ITSN2: variants seen among roughly 807,000 people sequenced by gnomAD.
ITSN2 encodes intersectin-2.
Under a neutral mutation model 243.7 loss-of-function variants are expected in ITSN2, and 156 were observed. The ratio of observed to expected loss-of-function variants is 0.64; its 90% CI spans 0.56 to 0.73. The LOEUF (loss-of-function observed/expected upper bound fraction) is 0.73, where lower values mean the gene tolerates loss of function less well. ITSN2 is among the 30% of genes least tolerant of loss of function. The pLI is 0.00. For missense variants in ITSN2, 1,801 were observed against 1,996.1 expected (o/e 0.90, Z 1.86); for synonymous variants, 703 against 699.9 (o/e 1.00, Z -0.07).
intron 1 of ITSN2, among the ~76,000 whole-genome samples, chr2:24,359,807 G>A (rs528881324): frequency 1.0e-3 from 157 of 152,180 alleles, no homozygotes; most frequent in African/African-American, 3.6e-3. Context: ...CTCGTGACTC[G>A]GGCTACTTTG....
At chr2:24,329,173 T>C (rs1283964277) in intron 1 of ITSN2, among the ~76,000 whole-genome samples, 2 of 152,242 alleles carry the variant, frequency 1.3e-5, no homozygotes, top group Non-Finnish European at 2.9e-5. Flanking sequence ...GAGAGTGCAG[T>C]ATCATTTTGA....
At chr2:24,287,595 A>G (rs916901897) in intron 15 of ITSN2, among the ~76,000 whole-genome samples, 1 of 151,794 alleles carries the variant, frequency 6.6e-6, no homozygotes, top group Non-Finnish European at 1.5e-5. Context: ...GTTCTATCTT[A>G]TTTTTTTTAG....
chr2:24,299,340 A>C (rs1229683297), intron 12 of ITSN2, among the ~76,000 whole-genome samples: 1 of 152,076 alleles, frequency 6.6e-6, no homozygotes, highest in Non-Finnish European at 1.5e-5. Context: ...TTTTCCCTCT[A>C]TTCTGGTATC....
chr2:24,319,028 G>C (rs1227690980), intron 2 of ITSN2, among the ~76,000 whole-genome samples: 3 of 152,194 alleles, frequency 2.0e-5, no homozygotes, highest in South Asian at 4.1e-4. Flanking sequence ...ATGATCTGCA[G>C]TGGAGCAGTT....
rs546355561 is a variant in ITSN2 at position 24,261,729 on chromosome 2, G to T, written c.2369C>A (p.Thr790Asn). 1 of 1,611,762 alleles carries T rather than the reference G, an allele frequency of 6.2e-7. No homozygotes were observed. Among genetic ancestry groups the T allele is most frequent in the South Asian group, 1.1e-5 (1 of 90,768 alleles). The change falls in exon 21 of 40, where the codon ACC becomes AAC. Residue 790 changes from threonine (T) to asparagine (N), a missense_variant. This residue lies in a region of ITSN2 where 787 missense variants were observed against 803.9 expected (regional missense o/e 0.98). Transcript: ENST00000355123. ...ATAAAGCCAACCAGGTTCTCCTACG[G>T]TTTTTTCATCAACCTACGGAAATAA... ...SGDIIQVDEK[T>N]VGEPGWLYGS...
At chr2:24,337,343 T>TATATATATATATATAC (rs1558650809) in intron 1 of ITSN2, among the ~76,000 whole-genome samples, 8 of 119,512 alleles carry the variant, frequency 6.7e-5, no homozygotes, top group Non-Finnish European at 3.5e-5. Flanking sequence ...TATATATATA[T>TATATATATATATATAC]ATATATATAT....
At chr2:24,284,347 T>C (rs1286717625) in intron 17 of ITSN2, among the ~76,000 whole-genome samples, 1 of 152,214 alleles carries the variant, frequency 6.6e-6, no homozygotes, top group Non-Finnish European at 1.5e-5. Flanking sequence ...GGTGCATATA[T>C]GACATAAACT....
In ITSN2 at chr2:24,341,431, C is replaced by T. The variant is rs185675717; in HGVS notation, c.-33-13316G>A. Among the ~76,000 whole-genome samples, 9 of 152,208 alleles carry T rather than the reference C, an allele frequency of 5.9e-5. No homozygotes were observed. In the South Asian group the frequency reaches 1.0e-3, roughly 18 times the overall value. The stretch of plus-strand genomic sequence containing the variant: ...ACAGAGGTTCAGAAACACGAGAAAT[C>T]GGGATACAGAGTTAAGAGTTTCAAG... On this transcript the variant is annotated intron_variant, in intron 1 of 39. Coordinates refer to ENST00000355123, the MANE Select transcript of ITSN2 (RefSeq NM_006277.3).
intron 1 of ITSN2, among the ~76,000 whole-genome samples, chr2:24,352,622 A>G (rs1337032158): frequency 1.3e-5 from 2 of 152,222 alleles, no homozygotes; most frequent in African/African-American, 4.8e-5. Flanking sequence ...CACAAATTAT[A>G]AGCTCAGATT....
Position 24,246,312 on chromosome 2 carries a change from C to A in ITSN2, c.3394G>T (p.Val1132Leu). ...GCTGCATAGTCATACATAGCAATCA[C>A]CTGACATACTATCACAAGAATAACA... The part of the protein sequence containing the change: ...ATPAFHPVCQ[V>L]IAMYDYAANN... Residue 1132 changes from valine to leucine, a missense_variant, in exon 29 of 40, where the codon GTG (valine) becomes TTG (leucine). Around this residue, in one of 5 missense-constraint regions of ITSN2, gnomAD observed 928 missense variants for 1,065.4 expected, o/e 0.87. Transcript: ENST00000355123. The A allele has an allele frequency of 6.3e-7, 1 of 1,596,276 alleles. No homozygotes were observed. Among genetic ancestry groups the A allele is most frequent in the South Asian group, 1.1e-5 (1 of 89,332 alleles).
At chr2:24,326,390 C>G (rs541058317) in intron 2 of ITSN2, among the ~76,000 whole-genome samples, 1 of 152,056 alleles carries the variant, frequency 6.6e-6, no homozygotes, top group Non-Finnish European at 1.5e-5. Flanking sequence ...TAAAGAAGGA[C>G]CGGGACTGTA....
At chr2:24,282,004 C>G (rs777336957) in intron 17 of ITSN2, among the ~76,000 whole-genome samples, 3 of 152,330 alleles carry the variant, frequency 2.0e-5, no homozygotes, top group Non-Finnish European at 4.4e-5. Context: ...CAGGGAAGTA[C>G]TGGGTAGAGA....
chr2:24,328,061 C>T lies in ITSN2; in HGVS notation c.22G>A (p.Ala8Thr). The change falls in exon 2 of 40, where the codon GCT becomes ACT. Residue 8 changes from alanine to threonine, a missense_variant. By Grantham distance (58) the Ala-to-Thr change is moderately conservative. Transcript: ENST00000355123. ...GCACAAAGCTGCTTACCATTCATAG[C>T]TGTGGGAAACTGAGCCATCATGGTC... MMAQFPTAMNGGPNMWAI... is the reference protein window; with the variant it reads MMAQFPTTMNGGPNMWAI... 6.2e-7 allele frequency: 1 copy of T among 1,613,564 alleles called. No homozygotes were observed. The highest frequency in any genetic ancestry group is 8.5e-7 in the Non-Finnish European group (1 of 1,179,836).
At chr2:24,210,578 G>A (rs900638336) in intron 34 of ITSN2, among the ~76,000 whole-genome samples, 1 of 138,996 alleles carries the variant, frequency 7.2e-6, no homozygotes, top group African/African-American at 2.7e-5. Flanking sequence ...TCTCGCCACT[G>A]CACTCCAGCC....
intron 8 of ITSN2, among the ~76,000 whole-genome samples, chr2:24,306,017 T>G (rs1005040269): frequency 6.6e-6 from 1 of 152,178 alleles, no homozygotes; most frequent in Admixed American, 6.5e-5. Context: ...TCTAGTTCTG[T>G]CACCCAGGCT....
intron 29 of ITSN2, chr2:24,242,086 G>A (rs1022775826): frequency 7.2e-5 from 11 of 152,490 alleles, no homozygotes; most frequent in African/African-American, 2.4e-4. Flanking sequence ...ACATTCAAAC[G>A]AAGTAAACGA....
chr2:24,222,844 T>A (rs971169838), intron 29 of ITSN2, among the ~76,000 whole-genome samples: 1 of 151,718 alleles, frequency 6.6e-6, no homozygotes, highest in Non-Finnish European at 1.5e-5. Flanking sequence ...CCCAGCTAAT[T>A]TTTGTATTTT....
Position 24,275,748 on chromosome 2 carries a change from T to C in ITSN2, c.2046A>G (p.Leu682=). 6.2e-7 allele frequency: 1 copy of C among 1,611,958 alleles called. No individual in the cohort carries two copies. The highest frequency in any genetic ancestry group is 8.5e-7 in the Non-Finnish European group (1 of 1,178,358). ...CATCTTCTAGTTTCTTTTTCTGCAT[T>C]AGTTCTAATCTTTTCCTTTCAATTT... The part of the protein sequence containing the change: ...LKEIERKRLE[L]MQKKKLEDEA... The change falls in exon 18 of 40, where the codon CTA becomes CTG. Residue 682 remains leucine, a synonymous_variant. Coordinates refer to ENST00000355123, the MANE Select transcript of ITSN2 (RefSeq NM_006277.3).
chr2:24,232,268 A>T (rs1671702822), intron 29 of ITSN2, among the ~76,000 whole-genome samples: 1 of 152,214 alleles, frequency 6.6e-6, no homozygotes, highest in African/African-American at 2.4e-5. Context: ...AAAGCAAACT[A>T]TTTGCCTATC....
Sources: gnomAD v4.1 joint callset for allele counts (sites outside exome capture counted in the v4.1 genomes callset) on GRCh38, gnomAD v4.1.1 for gene constraint, gnomAD v4.1.1 regional missense constraint, MANE v1.5 for transcripts, NCBI Gene and HGNC (gene_info 2026-07-23, HGNC 2026-07-21) for gene names.